Variants in ZIK1 observed in about 807,000 individuals in gnomAD.
ZIK1 encodes zinc finger protein interacting with ribonucleoprotein K.
A neutral mutation model predicts 10.7 loss-of-function variants in ZIK1; 12 were observed. The observed-to-expected ratio is 1.12, with a 90% CI of 0.72 to 1.81. The LOEUF (loss-of-function observed/expected upper bound fraction) is 1.81. Among genes scored for constraint, ZIK1 ranks in the 40% most tolerant of loss-of-function variants. ZIK1 has a pLI of 0.00. For synonymous variants in ZIK1, 190 were observed against 205.0 expected, an observed-to-expected ratio of 0.93 and a Z score of 0.63; for missense variants, 497 against 585.7, an observed-to-expected ratio of 0.85 and a Z score of 1.56.
Position 57,590,313 on chromosome 19 carries a change from C to A in ZIK1, c.502C>A (p.Arg168Ser). Residue 168 changes from arginine to serine, a missense_variant, in exon 4 of 4, where the codon CGC (arginine) becomes AGC (serine). Transcript: ENST00000597850. The part of the protein sequence containing the change: ...CLFCMSLKPF[R>S]KWEVGKDLPA... ...ATTCTGTATGTCATTGAAGCCCTTT[C>A]GCAAATGGGAGGTTGGAAAGGACCT... 6.2e-7 allele frequency: 1 copy of A among 1,614,170 alleles called. No homozygotes were observed. Among genetic ancestry groups the A allele is most frequent in the Non-Finnish European group, 8.5e-7 (1 of 1,180,034 alleles).
chr19:57,590,447 G>T lies in ZIK1; in HGVS notation c.636G>T (p.Lys212Asn). 6.2e-7 allele frequency: 1 copy of T among 1,614,150 alleles called. No individual in the cohort carries two copies. Among genetic ancestry groups the T allele is most frequent in the South Asian group, 1.1e-5 (1 of 91,080 alleles). ...TTCGCAGTCAAAAAAGTCATTACAA[G>T]TCAGGTGAATGTGGGAAGGCTTCCA... ...EDIRSQKSHY[K>N]SGECGKASRH... is the part of the protein sequence containing the mutation. Residue 212 changes from lysine (K) to asparagine (N), a missense_variant, in exon 4 of 4, where the codon AAG becomes AAT. Lys to Asn is a moderately conservative substitution (Grantham distance 94, BLOSUM62 0). Coordinates refer to ENST00000597850, the MANE Select transcript of ZIK1 (RefSeq NM_001010879.4).
chr19:57,586,456 G>A (rs1031114573), intron 2 of ZIK1, among the ~76,000 whole-genome samples: 4 of 152,108 alleles, frequency 2.6e-5, no homozygotes, highest in Admixed American at 2.0e-4. Context: ...CCAGCTACTA[G>A]GGAGGCTGAG....
rs1251525344 is a variant in ZIK1, at chr19:57,592,567, G to A, written c.*1292G>A. ...AACAGAAGTCCTATAGGCCAGGGAT[G>A]TATTGATAGCTCTTGTGATTTCCAC... On this transcript the variant is annotated 3_prime_UTR_variant, in exon 4 of 4. Coordinates refer to ENST00000597850, the MANE Select transcript of ZIK1 (RefSeq NM_001010879.4). 6.6e-6 allele frequency: 1 copy of A among 152,228 alleles called. No individual in the cohort carries two copies. Among genetic ancestry groups the A allele is most frequent in the Non-Finnish European group, 1.5e-5 (1 of 68,038 alleles). The allele number at this position is 152,228 out of a possible 1,614,324, so 9.4% of individuals were successfully genotyped here.
chr19:57,590,749 A>C lies in ZIK1; in HGVS notation c.938A>C (p.His313Pro), dbSNP rs1331690069. The change falls in exon 4 of 4, where the codon CAC becomes CCC. Residue 313 changes from histidine to proline, a missense_variant. His to Pro is a moderately conservative substitution (Grantham distance 77). Transcript: ENST00000597850. ...AGACAAAACTCCAGCCTTGTTGACCACCAGAAAATACACACTGGAGCAAGG... is the reference window on the plus strand; with the variant it reads ...AGACAAAACTCCAGCCTTGTTGACCCCCAGAAAATACACACTGGAGCAAGG... ...LFRQNSSLVD[H>P]QKIHTGARPY... 3 of 1,614,122 alleles carry C rather than the reference A, an allele frequency of 1.9e-6. No individual in the cohort carries two copies. Among genetic ancestry groups the C allele is most frequent in the Non-Finnish European group, 2.5e-6 (3 of 1,180,052 alleles).
Position 57,590,657 on chromosome 19 carries a change from G to T in ZIK1, c.846G>T (p.Leu282=). 9.9e-6 allele frequency: 16 copies of T among 1,614,060 alleles called. No homozygotes were observed. The highest frequency in any genetic ancestry group is 1.3e-5 in the Non-Finnish European group (15 of 1,180,004). ...CGKFFSQTSH[L]NDHRRIHTGE... is the part of the protein sequence containing the mutation. ...AATTCTTTAGCCAAACCTCCCACCT[G>T]AATGATCATCGGAGAATCCACACCG... The change falls in exon 4 of 4, where the codon CTG becomes CTT. Residue 282 remains leucine, a synonymous_variant. Coordinates refer to ENST00000597850, the MANE Select transcript of ZIK1 (RefSeq NM_001010879.4).
At chr19:57,585,233 C>G (rs1979037515) in intron 2 of ZIK1, among the ~76,000 whole-genome samples, 1 of 152,212 alleles carries the variant, frequency 6.6e-6, no homozygotes, top group Non-Finnish European at 1.5e-5. Context: ...TGAAGCTGAG[C>G]TGATTCAGGG....
At chr19:57,586,440 G>A (rs1165055010) in intron 2 of ZIK1, among the ~76,000 whole-genome samples, 1 of 152,132 alleles carries the variant, frequency 6.6e-6, no homozygotes, top group African/African-American at 2.4e-5. Context: ...GCAGGCACCT[G>A]TAATCCCAGC....
intron 1 of ZIK1, chr19:57,584,659 G>A (rs1222533544): frequency 5.8e-6 from 8 of 1,384,168 alleles, no homozygotes; most frequent in Non-Finnish European, 5.6e-6. Flanking sequence ...GCCGTGGAGG[G>A]TTGTGTACAG....
intron 3 of ZIK1, chr19:57,589,346 C>A (rs1237776449): frequency 2.0e-6 from 2 of 985,260 alleles, no homozygotes; most frequent in Admixed American, 1.2e-4. Flanking sequence ...GGAGCCTGTC[C>A]TGTCTTCACC....
At position 57,593,770 on chromosome 19, in the gene ZIK1, A is replaced by G. The variant is rs551060500; in HGVS notation, c.*2495A>G. The G allele has an allele frequency of 1.4e-4, 20 of 145,332 alleles. No individual in the cohort carries two copies. Among genetic ancestry groups the G allele is most frequent in the African/African-American group, 4.9e-4 (19 of 38,926 alleles). The allele number at this position is 145,332 out of a possible 1,614,324, so 9.0% of individuals were successfully genotyped here. A position where few individuals can be genotyped will look rare whatever the true frequency, so the allele number is the denominator to read the frequency against. On this transcript the variant is annotated 3_prime_UTR_variant, in exon 4 of 4. Transcript: ENST00000597850. ...ATTTTATGGTATTGAACATTTGAACATCTTGTATCTAGTTGCCACCTGTAT... is the reference window on the plus strand; with the variant it reads ...ATTTTATGGTATTGAACATTTGAACGTCTTGTATCTAGTTGCCACCTGTAT...
At position 57,593,845 on chromosome 19, in the gene ZIK1, G is replaced by T. The variant is rs1325212620; in HGVS notation, c.*2570G>T. The T allele has an allele frequency of 1.3e-5, 2 of 150,874 alleles. No homozygotes were observed. The highest frequency in any genetic ancestry group is 4.9e-5 in the African/African-American group (2 of 40,872). 9.3% of individuals were successfully genotyped at this position (150,874 alleles called of 1,614,324 possible). A position where few individuals can be genotyped will look rare whatever the true frequency, so the allele number is the denominator to read the frequency against. ...AATGTCTTTTGCTTATTTTTAAATGGATGTTGGTGATACTTTTTCATTAAT... is the reference window on the plus strand; with the variant it reads ...AATGTCTTTTGCTTATTTTTAAATGTATGTTGGTGATACTTTTTCATTAAT... On this transcript the variant is annotated 3_prime_UTR_variant, in exon 4 of 4. Coordinates refer to ENST00000597850, the MANE Select transcript of ZIK1 (RefSeq NM_001010879.4).
At position 57,590,834 on chromosome 19, in the gene ZIK1, C is replaced by T; in HGVS notation, c.1023C>T (p.His341=). The change falls in exon 4 of 4, where the codon CAC becomes CAT. Residue 341 remains histidine, a synonymous_variant. Transcript: ENST00000597850. ...SFSQKATLVK[H]QRVHTGERPY... ...GCCAAAAAGCCACCCTTGTTAAACA[C>T]CAAAGAGTTCACACTGGAGAAAGGC... 1.9e-6 allele frequency: 3 copies of T among 1,613,998 alleles called. No homozygotes were observed. The highest frequency in any genetic ancestry group is 2.5e-6 in the Non-Finnish European group (3 of 1,179,994).
rs1568618646 is a variant in ZIK1, at chr19:57,593,054, T to G, written c.*1779T>G. ...TTTTCCTGATGATGCACAATTTTTT[T>G]TTTTTTTTTGAGATGGAGTCTCAGT... On this transcript the variant is annotated 3_prime_UTR_variant, in exon 4 of 4. Coordinates refer to ENST00000597850, the MANE Select transcript of ZIK1 (RefSeq NM_001010879.4). 6.6e-6 allele frequency: 1 copy of G among 152,046 alleles called. No homozygotes were observed. The highest frequency in any genetic ancestry group is 2.1e-4 in the South Asian group (1 of 4,818). The allele number at this position is 152,046 out of a possible 1,614,324, so 9.4% of individuals were successfully genotyped here.
chr19:57,588,726 C>A, intron 3 of ZIK1, 61 bp downstream of exon 3: 1 of 1,373,306 alleles, frequency 7.3e-7, no homozygotes, highest in Non-Finnish European at 9.5e-7. Flanking sequence ...CTGACTTCTC[C>A]ACTTTCTTGG....
In ZIK1 at chr19:57,592,682, C is replaced by G. The variant is rs1482000885; in HGVS notation, c.*1407C>G. 6.6e-6 allele frequency: 1 copy of G among 152,180 alleles called. No homozygotes were observed. Among genetic ancestry groups the G allele is most frequent in the Non-Finnish European group, 1.5e-5 (1 of 68,032 alleles). The allele number at this position is 152,180 out of a possible 1,614,324, so 9.4% of individuals were successfully genotyped here. ...GACTCATGGTTGCCCTTCCCCAGGC[C>G]TGAAGAGAGAGTGCAGTCAACATGA... On this transcript the variant is annotated 3_prime_UTR_variant, in exon 4 of 4. Transcript: ENST00000597850.
Position 57,593,854 on chromosome 19 carries a change from G to A in ZIK1, c.*2579G>A, listed in dbSNP as rs962043984. ...TGCTTATTTTTAAATGGATGTTGGT[G>A]ATACTTTTTCATTAATAAATAGACG... On this transcript the variant is annotated 3_prime_UTR_variant, in exon 4 of 4. Transcript: ENST00000597850. The A allele has an allele frequency of 2.0e-5, 3 of 150,888 alleles. No individual in the cohort carries two copies. The East Asian group carries it at 5.8e-4, about 29-fold the overall frequency. 9.3% of individuals were successfully genotyped at this position (150,888 alleles called of 1,614,324 possible).
Position 57,584,152 on chromosome 19 carries a change from G to C in ZIK1, c.-205G>C, listed in dbSNP as rs550489654. The C allele has an allele frequency of 2.1e-5, 21 of 979,472 alleles. 1 individual carries two copies. In the Admixed American group the frequency reaches 4.6e-4, roughly 21 times the overall value. The allele number at this position is 979,472 out of a possible 1,614,324, so 60.7% of individuals were successfully genotyped here. On this transcript the variant is annotated 5_prime_UTR_variant, in exon 1 of 4. Coordinates refer to ENST00000597850, the MANE Select transcript of ZIK1 (RefSeq NM_001010879.4). Reference sequence around the variant, plus strand: ...GACTTCCGGTATCACTTCAGTGGCGGTCATTTTTGCAGCGCTTGGGTGCAT... The same window carrying C: ...GACTTCCGGTATCACTTCAGTGGCGCTCATTTTTGCAGCGCTTGGGTGCAT...
chr19:57,585,082 T>C, intron 2 of ZIK1, 92 bp downstream of exon 2: 1 of 1,237,200 alleles, frequency 8.1e-7, no homozygotes, highest in Non-Finnish European at 1.1e-6. Context: ...TTCTTTGACC[T>C]AAGGACTCTT....
chr19:57,586,199 T>C (rs947829169), intron 2 of ZIK1, among the ~76,000 whole-genome samples: 10 of 152,158 alleles, frequency 6.6e-5, no homozygotes, highest in Non-Finnish European at 7.3e-5. Flanking sequence ...GTGGCCAGTG[T>C]TTGGCCCAGA....
Sources: gnomAD v4.1 joint callset for allele counts (sites outside exome capture counted in the v4.1 genomes callset) on GRCh38, gnomAD v4.1.1 for gene constraint, MANE v1.5 for transcripts, NCBI Gene and HGNC (gene_info 2026-07-23, HGNC 2026-07-21) for gene names.